MFSD6: variants seen among roughly 807,000 people sequenced by gnomAD.
The protein encoded by MFSD6 is major facilitator superfamily domain containing 6.
MFSD6 carries 26 observed loss-of-function variants against 56.3 expected under a neutral mutation model. That is an observed-to-expected ratio of 0.46 (90% CI 0.34 to 0.64). MFSD6 has a LOEUF of 0.64. MFSD6 is among the 30% of genes least tolerant of loss of function. The probability of loss-of-function intolerance (pLI) is 0.01; values close to 1 mark genes in which losing one functional copy is unlikely to be tolerated. For missense variants in MFSD6, 750 were observed against 986.2 expected (o/e 0.76, Z 3.21); for synonymous variants, 331 against 366.9 (o/e 0.90, Z 1.12).
intron 2 of MFSD6, among the ~76,000 whole-genome samples, chr2:190,420,913 T>G (rs1426599383): frequency 1.3e-5 from 2 of 152,214 alleles, no homozygotes; most frequent in African/African-American, 4.8e-5. Flanking sequence ...CTATGACATT[T>G]ATATATGGGA....
In MFSD6 at chr2:190,436,474, A is replaced by G. The variant is rs1374771057; in HGVS notation, c.445A>G (p.Ile149Val). 1 of 1,614,164 alleles carries G rather than the reference A, an allele frequency of 6.2e-7. No individual in the cohort carries two copies. The highest frequency in any genetic ancestry group is 1.7e-5 in the Admixed American group (1 of 60,020). Residue 149 changes from isoleucine (I) to valine (V), a missense_variant, in exon 3 of 8, where the codon ATT (isoleucine) becomes GTT (valine). Coordinates refer to ENST00000392328, the MANE Select transcript of MFSD6 (RefSeq NM_017694.4). The surrounding 1 kb of genome is among the most constrained non-coding windows in gnomAD (Gnocchi z 5.3). ...GTGTTGGGTTTTATTCAACCTGGGC[A>G]TTGGATTTGTCAAACCTGCTACCTT... is the stretch of plus-strand genomic sequence containing the variant. ...LLCWVLFNLG[I>V]GFVKPATLRC...
rs1689822983 is a variant in MFSD6, at chr2:190,498,291, A to T, written c.2172+572A>T. Among the ~76,000 whole-genome samples, 2 of 152,196 alleles carry T rather than the reference A, an allele frequency of 1.3e-5. No individual in the cohort carries two copies. Among genetic ancestry groups the T allele is most frequent in the Non-Finnish European group, 2.9e-5 (2 of 68,032 alleles). On this transcript the variant is annotated intron_variant, in intron 7 of 7. Transcript: ENST00000392328. This position sits in a 1 kb window ranked among gnomAD's most constrained non-coding sequence, Gnocchi z 5.9. ...TGGATAATTGTACAGGTGTATCCCG[A>T]CTTTGGAAAATGAGTGTAACTTCTA...
intron 4 of MFSD6, among the ~76,000 whole-genome samples, chr2:190,479,539 G>A (rs1688541708): frequency 6.6e-6 from 1 of 152,096 alleles, no homozygotes; most frequent in Non-Finnish European, 1.5e-5. Context: ...TCATGATTTT[G>A]ATCAAGAATA....
At position 190,416,491 on chromosome 2, in the gene MFSD6, G is replaced by A. The variant is rs1690780855; in HGVS notation, c.-54+1078G>A. Among the ~76,000 whole-genome samples the A allele has an allele frequency of 6.6e-6, 1 of 152,128 alleles. No individual in the cohort carries two copies. Among genetic ancestry groups the A allele is most frequent in the South Asian group, 2.1e-4 (1 of 4,830 alleles). ...TATCATTCCAGTCCATATTACAATA[G>A]TGTGTTCTCCAGTGAACCAGTGCCT... On this transcript the variant is annotated intron_variant, in intron 2 of 7. Coordinates refer to ENST00000392328, the MANE Select transcript of MFSD6 (RefSeq NM_017694.4). This position sits in a 1 kb window ranked among gnomAD's most constrained non-coding sequence, Gnocchi z 4.1.
intron 3 of MFSD6, among the ~76,000 whole-genome samples, chr2:190,449,486 T>A (rs538018272): frequency 2.0e-5 from 3 of 151,640 alleles, no homozygotes; most frequent in African/African-American, 7.3e-5. Context: ...AAAAAAAAAA[T>A]TAATATCAAA....
rs1687222339 is a variant in MFSD6 at position 190,459,677 on chromosome 2, T to C, written c.1533-10081T>C. ...AAATAACAATGGAGAGATATAAACA[T>C]GGTCACAGCACAGTGACCAGCACAG... On this transcript the variant is annotated intron_variant, in intron 3 of 7. Transcript: ENST00000392328. This position sits in a 1 kb window ranked among gnomAD's most constrained non-coding sequence, Gnocchi z 5.3. 6.6e-6 allele frequency among the ~76,000 whole-genome samples: 1 copy of C among 152,184 alleles called. No individual in the cohort carries two copies. Among genetic ancestry groups the C allele is most frequent in the Admixed American group, 6.5e-5 (1 of 15,278 alleles).
At chr2:190,453,915 A>G (rs949426052) in intron 3 of MFSD6, among the ~76,000 whole-genome samples, 6 of 152,188 alleles carry the variant, frequency 3.9e-5, no homozygotes, top group Non-Finnish European at 7.3e-5. Flanking sequence ...AGAGAGTGGC[A>G]TTGTTCTATA....
rs568401174 is a variant in MFSD6, at chr2:190,461,571, T to C, written c.1533-8187T>C. ...GGCTGGGAAGTGCAAGATCAAAGTG[T>C]TGGCAGGTTCGGTGACTGGTAAAGG... On this transcript the variant is annotated intron_variant, in intron 3 of 7. Coordinates refer to ENST00000392328, the MANE Select transcript of MFSD6 (RefSeq NM_017694.4). The surrounding 1 kb of genome is among the most constrained non-coding windows in gnomAD (Gnocchi z 5.5). Among the ~76,000 whole-genome samples the C allele has an allele frequency of 1.3e-5, 2 of 152,298 alleles. No individual in the cohort carries two copies. Among genetic ancestry groups the C allele is most frequent in the South Asian group, 2.1e-4 (1 of 4,816 alleles).
Position 190,489,499 on chromosome 2 carries a change from A to T in MFSD6, c.1793-269A>T, listed in dbSNP as rs146690108. ...GAAGAGGAGAGCACCATTGAATTGTATGAGTCATGGTGAAAGGCACTGAGA... is the reference window on the plus strand; with the variant it reads ...GAAGAGGAGAGCACCATTGAATTGTTTGAGTCATGGTGAAAGGCACTGAGA... On this transcript the variant is annotated intron_variant, in intron 5 of 7. Coordinates refer to ENST00000392328, the MANE Select transcript of MFSD6 (RefSeq NM_017694.4). The surrounding 1 kb of genome is among the most constrained non-coding windows in gnomAD (Gnocchi z 6.6). 4.1e-3 allele frequency among the ~76,000 whole-genome samples: 623 copies of T among 152,340 alleles called. 6 individuals are homozygous for T. Among genetic ancestry groups the T allele is most frequent in the African/African-American group, 0.014 (584 of 41,576 alleles).
chr2:190,418,862 T>G lies in MFSD6; in HGVS notation c.-54+3449T>G, dbSNP rs1025188346. On this transcript the variant is annotated intron_variant, in intron 2 of 7. Transcript: ENST00000392328. This position sits in a 1 kb window ranked among gnomAD's most constrained non-coding sequence, Gnocchi z 4.1. The stretch of plus-strand genomic sequence containing the variant: ...GCTAGTAGCAGCTCTGGGGAGCTAG[T>G]AGCAGCTCTGGGGAGCCCGTGGGCA... Among the ~76,000 whole-genome samples the G allele has an allele frequency of 6.6e-6, 1 of 152,214 alleles. No homozygotes were observed. Among genetic ancestry groups the G allele is most frequent in the African/African-American group, 2.4e-5 (1 of 41,464 alleles).
chr2:190,478,322 T>G (rs1271023377), intron 4 of MFSD6, among the ~76,000 whole-genome samples: 1 of 152,166 alleles, frequency 6.6e-6, no homozygotes, highest in African/African-American at 2.4e-5. Flanking sequence ...TTGTTTCTAA[T>G]GCTGGAGGAG....
chr2:190,438,121 TACATGAC>T lies in MFSD6; in HGVS notation c.1532+561_1532+567del, dbSNP rs1478367348. On this transcript the variant is annotated intron_variant, in intron 3 of 7. Transcript: ENST00000392328. The surrounding 1 kb of genome is among the most constrained non-coding windows in gnomAD (Gnocchi z 5.2). The stretch of plus-strand genomic sequence containing the variant: ...TTCTTAAGTATTTTTTTTGGGTTAT[TACATGAC>T]TCCCTGCATTTCTGTCCACCATGAA... 1.3e-5 allele frequency among the ~76,000 whole-genome samples: 2 copies of T among 152,074 alleles called. No homozygotes were observed. Among genetic ancestry groups the T allele is most frequent in the East Asian group, 3.8e-4 (2 of 5,198 alleles).
Position 190,436,408 on chromosome 2 carries a change from C to G in MFSD6, c.379C>G (p.Arg127Gly), listed in dbSNP as rs1344041139. 2 of 1,614,050 alleles carry G rather than the reference C, an allele frequency of 1.2e-6. No individual in the cohort carries two copies. The highest frequency in any genetic ancestry group is 1.7e-6 in the Non-Finnish European group (2 of 1,179,980). Residue 127 changes from arginine (R) to glycine (G), a missense_variant, in exon 3 of 8, where the codon CGC becomes GGC. Around this residue, in one of 5 missense-constraint regions of MFSD6, gnomAD observed 376 missense variants for 437.9 expected, o/e 0.86. Transcript: ENST00000392328. This position sits in a 1 kb window ranked among gnomAD's most constrained non-coding sequence, Gnocchi z 5.3. ...CCCCTTTTGGGGTGTAGTTGCAGACCGCTTTAAAAAAGGCAAAATTGTCCT... is the reference window on the plus strand; with the variant it reads ...CCCCTTTTGGGGTGTAGTTGCAGACGGCTTTAAAAAAGGCAAAATTGTCCT... ...SAPFWGVVAD[R>G]FKKGKIVLLF...
Position 190,457,394 on chromosome 2 carries a change from C to T in MFSD6, c.1533-12364C>T, listed in dbSNP as rs533153033. Among the ~76,000 whole-genome samples, 1 of 152,190 alleles carries T rather than the reference C, an allele frequency of 6.6e-6. No individual in the cohort carries two copies. The highest frequency in any genetic ancestry group is 1.9e-4 in the East Asian group (1 of 5,204). ...GTGAAAAAAACCACCTAGCAGACCC[C>T]ACTTCTTCCTGTTGGCCCCCTACCC... On this transcript the variant is annotated intron_variant, in intron 3 of 7. Transcript: ENST00000392328. The surrounding 1 kb of genome is among the most constrained non-coding windows in gnomAD (Gnocchi z 5.1).
intron 3 of MFSD6, among the ~76,000 whole-genome samples, chr2:190,450,082 A>G (rs989076365): frequency 6.6e-6 from 1 of 152,170 alleles, no homozygotes; most frequent in Non-Finnish European, 1.5e-5. Flanking sequence ...GATGTCCCAA[A>G]GCTCATAAAG....
chr2:190,478,032 A>G (rs1296650660), intron 4 of MFSD6, among the ~76,000 whole-genome samples: 1 of 152,190 alleles, frequency 6.6e-6, no homozygotes, highest in Non-Finnish European at 1.5e-5. Context: ...CTAGGGCTTG[A>G]AGCATTTATC....
At chr2:190,468,691 G>A (rs907416672) in intron 3 of MFSD6, among the ~76,000 whole-genome samples, 9 of 150,086 alleles carry the variant, frequency 6.0e-5, no homozygotes, top group Non-Finnish European at 1.2e-4. Flanking sequence ...ACTCTTGGGC[G>A]CAAGTGATCC....
In MFSD6 at chr2:190,471,321, C is replaced by T. The variant is rs1020523561; in HGVS notation, c.1630+1466C>T. Among the ~76,000 whole-genome samples the T allele has an allele frequency of 2.0e-5, 3 of 152,186 alleles. No individual in the cohort carries two copies. The highest frequency in any genetic ancestry group is 4.4e-5 in the Non-Finnish European group (3 of 68,022). On this transcript the variant is annotated intron_variant, in intron 4 of 7. Transcript: ENST00000392328. The surrounding 1 kb of genome is among the most constrained non-coding windows in gnomAD (Gnocchi z 4.7). Reference sequence around the variant, plus strand: ...ACCTCACCCAGGAAGCACAAGGGGTCAGGGAATTCCCTTTCCTAGCCGAGG... The same window carrying T: ...ACCTCACCCAGGAAGCACAAGGGGTTAGGGAATTCCCTTTCCTAGCCGAGG...
At chr2:190,428,363 G>T (rs1685851086) in intron 2 of MFSD6, among the ~76,000 whole-genome samples, 1 of 152,150 alleles carries the variant, frequency 6.6e-6, no homozygotes, top group Non-Finnish European at 1.5e-5. Context: ...TTACACTCAG[G>T]ATTAGTAGCT....
Sources: gnomAD v4.1 joint callset for allele counts (sites outside exome capture counted in the v4.1 genomes callset) on GRCh38, gnomAD v4.1.1 for gene constraint, gnomAD v4.1.1 regional missense constraint, Gnocchi (gnomAD v3.1) non-coding constraint, MANE v1.5 for transcripts, NCBI Gene and HGNC (gene_info 2026-07-23, HGNC 2026-07-21) for gene names.